Variants in HS6ST3 observed in about 807,000 individuals in gnomAD.
HS6ST3 encodes heparan-sulfate 6-O-sulfotransferase 3.
HS6ST3 carries 12 observed loss-of-function variants against 36.7 expected under a neutral mutation model. The observed-to-expected ratio is 0.33, with a 90% CI of 0.21 to 0.53. HS6ST3 has a LOEUF of 0.53. Among genes scored for constraint, HS6ST3 ranks in the 20% least tolerant of loss-of-function variants. HS6ST3 has a pLI of 0.95. For missense variants in HS6ST3, 584 were observed against 640.9 expected (o/e 0.91, Z 0.96); for synonymous variants, 240 against 257.5 (o/e 0.93, Z 0.65).
At chr13:96,409,227 G>T (rs763701688) in intron 1 of HS6ST3, among the ~76,000 whole-genome samples, 3 of 152,314 alleles carry the variant, frequency 2.0e-5, no homozygotes, top group Admixed American at 6.5e-5. Flanking sequence ...GATCAAATTT[G>T]TATAAGAATC....
At chr13:96,409,896 A>G (rs912079169) in intron 1 of HS6ST3, among the ~76,000 whole-genome samples, 3 of 152,222 alleles carry the variant, frequency 2.0e-5, no homozygotes, top group African/African-American at 4.8e-5. Context: ...GCTTGAAAAG[A>G]AAGATTTAGT....
intron 1 of HS6ST3, among the ~76,000 whole-genome samples, chr13:96,714,005 C>T (rs756392359): frequency 6.6e-6 from 1 of 151,798 alleles, no homozygotes; most frequent in South Asian, 2.1e-4. Context: ...AAAATAAGAC[C>T]CTTACCTTAT....
intron 1 of HS6ST3, among the ~76,000 whole-genome samples, chr13:96,302,577 A>G (rs2054889161): frequency 6.6e-6 from 1 of 152,146 alleles, no homozygotes; most frequent in African/African-American, 2.4e-5. Flanking sequence ...GAAAACTATG[A>G]CATTTATATA....
chr13:96,226,580 G>C (rs1360541384), intron 1 of HS6ST3, among the ~76,000 whole-genome samples: 1 of 152,154 alleles, frequency 6.6e-6, no homozygotes, highest in Non-Finnish European at 1.5e-5. Flanking sequence ...TTGTTTTGGT[G>C]GTGGTTGTAT....
intron 1 of HS6ST3, among the ~76,000 whole-genome samples, chr13:96,106,865 A>G (rs1046208398): frequency 6.6e-6 from 1 of 152,260 alleles, no homozygotes; most frequent in Non-Finnish European, 1.5e-5. Flanking sequence ...TTGGGAAAAC[A>G]CATTTCCTAG....
chr13:96,351,178 G>A (rs2139430970), intron 1 of HS6ST3, among the ~76,000 whole-genome samples: 2 of 152,124 alleles, frequency 1.3e-5, no homozygotes, highest in Middle Eastern at 6.8e-3. Flanking sequence ...TATGACAACT[G>A]CCATCTCTTA....
intron 1 of HS6ST3, among the ~76,000 whole-genome samples, chr13:96,754,167 A>G (rs1207663793): frequency 2.0e-5 from 3 of 152,140 alleles, no homozygotes; most frequent in African/African-American, 7.2e-5. Context: ...TACTGAACTC[A>G]AAACATCCCC....
At chr13:96,242,435 T>C (rs1248419962) in intron 1 of HS6ST3, among the ~76,000 whole-genome samples, 1 of 151,912 alleles carries the variant, frequency 6.6e-6, no homozygotes, top group Non-Finnish European at 1.5e-5. Context: ...CCCAGGCTGG[T>C]CTTGAACCCC....
At chr13:96,345,744 G>A (rs926509779) in intron 1 of HS6ST3, among the ~76,000 whole-genome samples, 1 of 152,114 alleles carries the variant, frequency 6.6e-6, no homozygotes, top group Non-Finnish European at 1.5e-5. Context: ...TAGATCAGAG[G>A]TGTCCAATAT....
chr13:96,405,583 TCTTGATA>T (rs888657274), intron 1 of HS6ST3, among the ~76,000 whole-genome samples: 2 of 152,216 alleles, frequency 1.3e-5, no homozygotes, highest in Non-Finnish European at 2.9e-5. Flanking sequence ...TAATTATCTT[TCTTGATA>T]GAGTGCTACA....
intron 1 of HS6ST3, among the ~76,000 whole-genome samples, chr13:96,753,519 G>C (rs1283942849): frequency 2.0e-5 from 3 of 151,892 alleles, no homozygotes; most frequent in Non-Finnish European, 2.9e-5. Flanking sequence ...TATTGTTATT[G>C]GTGTAAAATG....
chr13:96,480,735 G>A (rs1405171586), intron 1 of HS6ST3, among the ~76,000 whole-genome samples: 1 of 152,088 alleles, frequency 6.6e-6, no homozygotes, highest in Admixed American at 6.5e-5. Context: ...TTAGTGTTAT[G>A]TTTCCCTTTA....
At chr13:96,487,626 T>C (rs1406121626) in intron 1 of HS6ST3, among the ~76,000 whole-genome samples, 1 of 152,144 alleles carries the variant, frequency 6.6e-6, no homozygotes, top group African/African-American at 2.4e-5. Context: ...GAGAATATTA[T>C]ACATACAAGG....
chr13:96,807,524 A>G (rs1206497427), intron 1 of HS6ST3, among the ~76,000 whole-genome samples: 1 of 152,172 alleles, frequency 6.6e-6, no homozygotes. Flanking sequence ...AGATGCAACT[A>G]CAAGCCAAGA....
intron 1 of HS6ST3, among the ~76,000 whole-genome samples, chr13:96,559,766 T>C (rs1319890400): frequency 1.3e-5 from 2 of 152,136 alleles, no homozygotes; most frequent in African/African-American, 4.8e-5. Flanking sequence ...AGGACCATTA[T>C]GCCATTCCTT....
chr13:96,132,467 C>A (rs61968001), intron 1 of HS6ST3, among the ~76,000 whole-genome samples: 4,127 of 151,738 alleles, frequency 0.027, 66 homozygotes, highest in Non-Finnish European at 0.034. Flanking sequence ...TGCAGTGGCA[C>A]ACAATCACAG....
chr13:96,819,759 A>T (rs1277001762), intron 1 of HS6ST3, among the ~76,000 whole-genome samples: 1 of 152,170 alleles, frequency 6.6e-6, no homozygotes, highest in Non-Finnish European at 1.5e-5. Flanking sequence ...ACCTTAAGAA[A>T]ATCCTTGTAT....
intron 1 of HS6ST3, among the ~76,000 whole-genome samples, chr13:96,590,930 C>A (rs779332952): frequency 2.6e-5 from 4 of 152,056 alleles, no homozygotes; most frequent in Non-Finnish European, 5.9e-5. Context: ...TATCAAGTAC[C>A]ATTTATTGAA....
At chr13:96,131,852 A>C (rs897714970) in intron 1 of HS6ST3, among the ~76,000 whole-genome samples, 1 of 151,894 alleles carries the variant, frequency 6.6e-6, no homozygotes, top group Admixed American at 6.6e-5. Flanking sequence ...AACCTGACAA[A>C]CGTCACAAAA....
Sources: allele counts gnomAD v4.1 joint callset (sites outside exome capture counted in the v4.1 genomes callset), GRCh38; gene constraint gnomAD v4.1.1; transcripts MANE v1.5; gene names NCBI Gene and HGNC (gene_info 2026-07-23, HGNC 2026-07-21).